C8orf34: variants seen among roughly 807,000 people sequenced by gnomAD.
C8orf34 encodes the protein uncharacterized protein C8orf34.
A neutral mutation model predicts 68.3 loss-of-function variants in C8orf34; 65 were observed. That is an observed-to-expected ratio of 0.95 (90% CI 0.78 to 1.17). The LOEUF (loss-of-function observed/expected upper bound fraction) is 1.17, where lower values mean the gene tolerates loss of function less well. Among genes scored for constraint, C8orf34 ranks in the 50% most tolerant of loss-of-function variants. C8orf34 has a pLI of 0.00. For missense variants in C8orf34, 664 were observed against 655.4 expected (o/e 1.01, Z -0.14); for synonymous variants, 244 against 241.2 (o/e 1.01, Z -0.11).
At chr8:68,550,963 G>C (rs150640447) in intron 7 of C8orf34, among the ~76,000 whole-genome samples, 2 of 150,154 alleles carry the variant, frequency 1.3e-5, no homozygotes, top group East Asian at 3.9e-4. Context: ...ATTTTCTTCA[G>C]TTTGCACATA....
At chr8:68,457,339 G>A (rs552937896) in intron 3 of C8orf34, among the ~76,000 whole-genome samples, 37 of 152,226 alleles carry the variant, frequency 2.4e-4, no homozygotes, top group Non-Finnish European at 4.0e-4. Flanking sequence ...AAGACATGAA[G>A]TAATTATCTC....
intron 5 of C8orf34, among the ~76,000 whole-genome samples, chr8:68,496,337 A>G (rs1000406234): frequency 3.3e-5 from 5 of 152,190 alleles, no homozygotes; most frequent in African/African-American, 1.2e-4. Flanking sequence ...AGCTCTCATG[A>G]TCTCCATTTT....
At chr8:68,402,503 A>C (rs1036571821) in intron 1 of C8orf34, among the ~76,000 whole-genome samples, 9 of 151,910 alleles carry the variant, frequency 5.9e-5, no homozygotes, top group African/African-American at 2.2e-4. Flanking sequence ...TTAGGTTGTT[A>C]ATTTGTGATC....
chr8:68,601,919 A>T (rs1817709960), intron 7 of C8orf34, among the ~76,000 whole-genome samples: 2 of 152,218 alleles, frequency 1.3e-5, no homozygotes, highest in Non-Finnish European at 2.9e-5. Context: ...GTGGATGTGG[A>T]TGTTCCATTT....
At chr8:68,524,608 T>C (rs1304254406) in intron 6 of C8orf34, among the ~76,000 whole-genome samples, 6 of 152,176 alleles carry the variant, frequency 3.9e-5, no homozygotes, top group African/African-American at 1.4e-4. Context: ...TGTTGGGAAA[T>C]GATTGAAGTC....
At chr8:68,730,920 C>T (rs895841103) in intron 10 of C8orf34, among the ~76,000 whole-genome samples, 4 of 152,052 alleles carry the variant, frequency 2.6e-5, no homozygotes, top group South Asian at 2.1e-4. Flanking sequence ...TTTACATTTT[C>T]GGTATTTTGA....
intron 3 of C8orf34, among the ~76,000 whole-genome samples, chr8:68,466,825 G>A (rs543230418): frequency 9.5e-5 from 14 of 146,846 alleles, no homozygotes; most frequent in Admixed American, 3.4e-4. Flanking sequence ...TCACAGGGTC[G>A]GTGCATTTTT....
chr8:68,743,664 C>T lies in C8orf34; in HGVS notation c.1404+22227C>T, dbSNP rs926206056. Among the ~76,000 whole-genome samples the T allele has an allele frequency of 5.9e-5, 9 of 152,332 alleles. No homozygotes were observed. The East Asian group carries it at 7.7e-4, about 13-fold the overall frequency. On this transcript the variant is annotated intron_variant, in intron 10 of 13. Transcript: ENST00000518698. ...TTGTGTCACTCCCACCCGAATACTG[C>T]GCTTTCCCGACGGGCTTAAAAAATG...
At position 68,635,548 on chromosome 8, in the gene C8orf34, C is replaced by T. The variant is rs138308172; in HGVS notation, c.1106-4828C>T. On this transcript the variant is annotated intron_variant, in intron 7 of 13. Transcript: ENST00000518698. ...AAACATTCTTCTTTTACATAATCAACATATTCTTTTTAACAGATGTACCCT... is the reference window on the plus strand; with the variant it reads ...AAACATTCTTCTTTTACATAATCAATATATTCTTTTTAACAGATGTACCCT... Among the ~76,000 whole-genome samples the T allele has an allele frequency of 2.8e-3, 433 of 152,308 alleles. 2 individuals carry two copies. The highest frequency in any genetic ancestry group is 5.0e-3 in the Non-Finnish European group (343 of 68,016).
rs1806772055 is a variant in C8orf34 at position 68,356,880 on chromosome 8, C to A, written c.327+25541C>A. Among the ~76,000 whole-genome samples, 3 of 152,012 alleles carry A rather than the reference C, an allele frequency of 2.0e-5. No individual in the cohort carries two copies. In the South Asian group the frequency reaches 6.2e-4, roughly 31 times the overall value. ...CCAGCGAATATAGGAGCATATAACGCCTGCTGTTCCTTCACTGTTTGGAGA... is the reference window on the plus strand; with the variant it reads ...CCAGCGAATATAGGAGCATATAACGACTGCTGTTCCTTCACTGTTTGGAGA... On this transcript the variant is annotated intron_variant, in intron 1 of 13. Coordinates refer to ENST00000518698, the MANE Select transcript of C8orf34 (RefSeq NM_052958.4).
At chr8:68,509,152 C>T (rs1448823566) in intron 5 of C8orf34, among the ~76,000 whole-genome samples, 1 of 152,160 alleles carries the variant, frequency 6.6e-6, no homozygotes, top group Admixed American at 6.5e-5. Context: ...TTAACTGCTT[C>T]CTGCTGACAG....
chr8:68,722,757 TAC>T (rs1563630650), intron 10 of C8orf34, among the ~76,000 whole-genome samples: 1 of 152,136 alleles, frequency 6.6e-6, no homozygotes, highest in East Asian at 1.9e-4. Context: ...GAGGAGTACC[TAC>T]ACACAGTAGG....
chr8:68,629,931 C>A (rs1260742875), intron 7 of C8orf34, among the ~76,000 whole-genome samples: 1 of 151,812 alleles, frequency 6.6e-6, no homozygotes, highest in Non-Finnish European at 1.5e-5. Flanking sequence ...AAGAGTATAG[C>A]AAATAATTTT....
chr8:68,499,969 T>C (rs1813695766), intron 5 of C8orf34, among the ~76,000 whole-genome samples: 1 of 152,126 alleles, frequency 6.6e-6, no homozygotes. Flanking sequence ...TTAGTTCATG[T>C]GAGATCTGGT....
At chr8:68,601,718 T>A (rs1421968048) in intron 7 of C8orf34, among the ~76,000 whole-genome samples, 1 of 147,298 alleles carries the variant, frequency 6.8e-6, no homozygotes, top group Non-Finnish European at 1.5e-5. Flanking sequence ...ATCCATCCAA[T>A]TCATCTTGGT....
chr8:68,774,944 T>TAAAAAAAAAAA (rs1224756627), intron 10 of C8orf34, among the ~76,000 whole-genome samples: 17 of 44,678 alleles, frequency 3.8e-4, no homozygotes, highest in African/African-American at 7.5e-4. Flanking sequence ...CTGTCTCCAC[T>TAAAAAAAAAAA]AAAAAAAAAA....
chr8:68,817,954 G>C, intron 13 of C8orf34, among the ~76,000 whole-genome samples: 1 of 151,886 alleles, frequency 6.6e-6, no homozygotes. Context: ...ACCTCCACCT[G>C]GTATCTCCCT....
At chr8:68,330,416 C>A (rs867971375), upstream of C8orf34, among the ~76,000 whole-genome samples, 1 of 152,102 alleles carries the variant, frequency 6.6e-6, no homozygotes, top group Admixed American at 6.5e-5. Context: ...TGCGTTCACC[C>A]GTCGACTTGC....
chr8:68,361,098 C>T (rs1023157502), intron 1 of C8orf34, among the ~76,000 whole-genome samples: 2 of 151,984 alleles, frequency 1.3e-5, no homozygotes, highest in African/African-American at 4.8e-5. Flanking sequence ...TCTTGGGATA[C>T]AGACTTTGAG....
Sources: allele counts gnomAD v4.1 joint callset (sites outside exome capture counted in the v4.1 genomes callset), GRCh38; gene constraint gnomAD v4.1.1; transcripts MANE v1.5; gene names NCBI Gene and HGNC (gene_info 2026-07-23, HGNC 2026-07-21).